Variants in SLC31A1 observed in about 807,000 individuals in gnomAD.
SLC31A1 encodes solute carrier family 31 member 1.
In SLC31A1, 5 loss-of-function variants were observed where a neutral mutation model predicts 17.2. The ratio of observed to expected loss-of-function variants is 0.29; its 90% CI spans 0.15 to 0.61. The LOEUF is 0.61. SLC31A1 is among the 20% of genes least tolerant of loss of function. The probability of loss-of-function intolerance (pLI) is 0.86; values close to 1 mark genes in which losing one functional copy is unlikely to be tolerated. For synonymous variants in SLC31A1, 76 were observed against 78.8 expected, an observed-to-expected ratio of 0.96 and a Z score of 0.19; for missense variants, 161 against 241.4, an observed-to-expected ratio of 0.67 and a Z score of 2.21.
At position 113,234,575 on chromosome 9, in the gene SLC31A1, G is replaced by A. The variant is rs1354539770; in HGVS notation, c.-36+12897G>A. 1.8e-4 allele frequency among the ~76,000 whole-genome samples: 24 copies of A among 131,848 alleles called. No individual in the cohort carries two copies. The Admixed American group carries it at 2.2e-3, about 12-fold the overall frequency. The allele number at this position is 131,848 out of a possible 152,430, so 86.5% of individuals were successfully genotyped here. A position where few individuals can be genotyped will look rare whatever the true frequency, so the allele number is the denominator to read the frequency against. ...CTAAGTATCTATGTTGTACATCTCT[G>A]TAATTCAGAACTGTGGTTCTCAAGC... On this transcript the variant is annotated intron_variant, in intron 1 of 4. Coordinates refer to ENST00000374212, the MANE Select transcript of SLC31A1 (RefSeq NM_001859.4).
At chr9:113,229,906 G>C (rs1831383460) in intron 1 of SLC31A1, among the ~76,000 whole-genome samples, 1 of 152,168 alleles carries the variant, frequency 6.6e-6, no homozygotes, top group South Asian at 2.1e-4. Flanking sequence ...TCATGGTCTT[G>C]TAGATTTTTC....
chr9:113,234,845 AT>A (rs1831438516), intron 1 of SLC31A1, among the ~76,000 whole-genome samples: 4 of 152,138 alleles, frequency 2.6e-5, no homozygotes, highest in Non-Finnish European at 5.9e-5. Context: ...TTCAATATGT[AT>A]TTTTACATTT....
chr9:113,233,764 T>C (rs10759631), intron 1 of SLC31A1, among the ~76,000 whole-genome samples: 49,183 of 152,102 alleles, frequency 0.32, 8,090 homozygotes, highest in African/African-American at 0.35. Context: ...TTTTAGTTCC[T>C]GGTTGAATCT....
chr9:113,231,286 G>A (rs981195813), intron 1 of SLC31A1, among the ~76,000 whole-genome samples: 6 of 152,116 alleles, frequency 3.9e-5, no homozygotes, highest in African/African-American at 1.2e-4. Flanking sequence ...ATTGGGGGCC[G>A]GGTACGGTGG....
intron 1 of SLC31A1, among the ~76,000 whole-genome samples, chr9:113,234,508 T>TTTTTA (rs1554720278): frequency 8.0e-5 from 11 of 138,192 alleles, no homozygotes; most frequent in African/African-American, 3.1e-4. Context: ...TTTTTTTTTT[T>TTTTTA]AGCTCTCACT....
chr9:113,237,027 T>G (rs1031138685), intron 1 of SLC31A1, among the ~76,000 whole-genome samples: 1 of 152,350 alleles, frequency 6.6e-6, no homozygotes, highest in Admixed American at 6.5e-5. Flanking sequence ...GTGACATTTT[T>G]ATGAATTATT....
chr9:113,252,282 T>C (rs551558071), intron 1 of SLC31A1, among the ~76,000 whole-genome samples: 60 of 152,302 alleles, frequency 3.9e-4, no homozygotes, highest in African/African-American at 1.4e-3. Flanking sequence ...AACTTTTAGA[T>C]AGTTTGTGGT....
At chr9:113,224,239 C>T (rs886415228) in intron 1 of SLC31A1, among the ~76,000 whole-genome samples, 2 of 152,130 alleles carry the variant, frequency 1.3e-5, no homozygotes, top group African/African-American at 2.4e-5. Flanking sequence ...ACTTTTGGCC[C>T]TTTATAGAAA....
chr9:113,228,663 A>G (rs906711722), intron 1 of SLC31A1, among the ~76,000 whole-genome samples: 5 of 152,222 alleles, frequency 3.3e-5, no homozygotes, highest in African/African-American at 1.2e-4. Flanking sequence ...CATCCTGCTT[A>G]GCTGCTTCCC....
intron 1 of SLC31A1, among the ~76,000 whole-genome samples, chr9:113,225,025 A>G (rs1587985616): frequency 2.0e-5 from 3 of 152,292 alleles, no homozygotes; most frequent in Admixed American, 2.0e-4. Flanking sequence ...TGCTGCTGTC[A>G]TTTTTCTCTT....
At chr9:113,244,263 A>G (rs1285847893) in intron 1 of SLC31A1, among the ~76,000 whole-genome samples, 1 of 151,630 alleles carries the variant, frequency 6.6e-6, no homozygotes, top group African/African-American at 2.4e-5. Flanking sequence ...TGCCTAGATC[A>G]TTGGCCACTC....
At position 113,226,404 on chromosome 9, in the gene SLC31A1, G is replaced by A. The variant is rs528836350; in HGVS notation, c.-36+4726G>A. On this transcript the variant is annotated intron_variant, in intron 1 of 4. Transcript: ENST00000374212. The stretch of plus-strand genomic sequence containing the variant: ...AAGTATAACAAGTCATCAAAAGTCT[G>A]ATACTTAATACATTACAATGAACAG... Among the ~76,000 whole-genome samples the A allele has an allele frequency of 2.6e-5, 4 of 152,250 alleles. No individual in the cohort carries two copies. In the East Asian group the frequency reaches 7.7e-4, roughly 29 times the overall value.
Position 113,260,839 on chromosome 9 carries a change from TAGTA to T in SLC31A1, c.*372_*375del, listed in dbSNP as rs1173622001. The T allele has an allele frequency of 1.3e-5, 4 of 316,102 alleles. No homozygotes were observed. Among genetic ancestry groups the T allele is most frequent in the African/African-American group, 2.2e-5 (1 of 46,254 alleles). 19.6% of individuals were successfully genotyped at this position (316,102 alleles called of 1,614,324 possible). A position where few individuals can be genotyped will look rare whatever the true frequency, so the allele number is the denominator to read the frequency against. ...GCTTCCTTTTTGAATTTTTAACAGA[TAGTA>T]AGTAAATTTGGTGGTTTTTTCCCCT... is the stretch of plus-strand genomic sequence containing the variant. On this transcript the variant is annotated 3_prime_UTR_variant, in exon 5 of 5. Coordinates refer to ENST00000374212, the MANE Select transcript of SLC31A1 (RefSeq NM_001859.4).
intron 1 of SLC31A1, among the ~76,000 whole-genome samples, chr9:113,230,257 T>C (rs976244545): frequency 6.6e-6 from 1 of 152,216 alleles, no homozygotes; most frequent in Non-Finnish European, 1.5e-5. Context: ...AGAGTCTTGG[T>C]CTGTCGCCCA....
chr9:113,243,523 C>A (rs1425637240), intron 1 of SLC31A1, among the ~76,000 whole-genome samples: 1 of 148,880 alleles, frequency 6.7e-6, no homozygotes, highest in Non-Finnish European at 1.5e-5. Flanking sequence ...AAGGGGATGA[C>A]CTTCAACCGA....
intron 1 of SLC31A1, among the ~76,000 whole-genome samples, chr9:113,234,232 G>T (rs932036337): frequency 1.7e-4 from 26 of 151,568 alleles, no homozygotes; most frequent in African/African-American, 6.3e-4. Flanking sequence ...ACTGAGTCTT[G>T]CTCTGTCACC....
Position 113,249,525 on chromosome 9 carries a change from C to T in SLC31A1, c.-35-6589C>T, listed in dbSNP as rs1462040437. On this transcript the variant is annotated intron_variant, in intron 1 of 4. Transcript: ENST00000374212. ...GGGATTACAGGCACGCACCACCATGCCCAGCTAATTTTATATTTTTAGTAG... is the reference window on the plus strand; with the variant it reads ...GGGATTACAGGCACGCACCACCATGTCCAGCTAATTTTATATTTTTAGTAG... 3.3e-5 allele frequency among the ~76,000 whole-genome samples: 5 copies of T among 151,896 alleles called. No homozygotes were observed. The East Asian group carries it at 9.6e-4, about 29-fold the overall frequency.
chr9:113,243,810 C>A (rs1021531006), intron 1 of SLC31A1, among the ~76,000 whole-genome samples: 1 of 152,236 alleles, frequency 6.6e-6, no homozygotes, highest in East Asian at 1.9e-4. Flanking sequence ...GAGTTATCGT[C>A]CCTTTTTGCT....
chr9:113,235,347 C>T (rs1050331412), intron 1 of SLC31A1, among the ~76,000 whole-genome samples: 3 of 152,150 alleles, frequency 2.0e-5, no homozygotes, highest in Non-Finnish European at 4.4e-5. Context: ...TGTGACCAAT[C>T]TTGGGGAGGG....
Sources: allele counts gnomAD v4.1 joint callset (sites outside exome capture counted in the v4.1 genomes callset), GRCh38; gene constraint gnomAD v4.1.1; transcripts MANE v1.5; gene names NCBI Gene and HGNC (gene_info 2026-07-23, HGNC 2026-07-21).